The following CNNM2 variants were observed in gnomAD, a reference collection of about 807,000 sequenced individuals.
CNNM2 encodes the protein metal transporter CNNM2.
Under a neutral mutation model 66.9 loss-of-function variants are expected in CNNM2, and 12 were observed. The observed-to-expected ratio is 0.18, with a 90% CI of 0.11 to 0.29. The LOEUF (loss-of-function observed/expected upper bound fraction) is 0.29. Ranked by LOEUF, CNNM2 falls within the 10% of genes least tolerant of loss-of-function variation. The pLI is 1.00. For synonymous variants in CNNM2, 557 were observed against 501.8 expected (o/e 1.11, Z -1.47); for missense variants, 705 against 1,167.7 (o/e 0.60, Z 5.77).
rs968100031 is a variant in CNNM2, at chr10:103,088,798, C to T, written c.*11618C>T. 5 of 185,964 alleles carry T rather than the reference C, an allele frequency of 2.7e-5. No individual in the cohort carries two copies. Among genetic ancestry groups the T allele is most frequent in the Admixed American group, 6.2e-5 (1 of 16,078 alleles). The allele number at this position is 185,964 out of a possible 1,614,324, so 11.5% of individuals were successfully genotyped here. A position where few individuals can be genotyped will look rare whatever the true frequency, so the allele number is the denominator to read the frequency against. ...TCCTCTGATGTTCAATTTTAATATA[C>T]AGCAATCAACTCTTAGAGGACAAAG... On this transcript the variant is annotated 3_prime_UTR_variant, in exon 8 of 8. Transcript: ENST00000369878.
rs2065763444 is a variant in CNNM2 at position 103,082,150 on chromosome 10, G to A, written c.*4970G>A. 1 of 152,210 alleles carries A rather than the reference G, an allele frequency of 6.6e-6. No individual in the cohort carries two copies. The highest frequency in any genetic ancestry group is 2.4e-5 in the African/African-American group (1 of 41,440). 9.4% of individuals were successfully genotyped at this position (152,210 alleles called of 1,614,324 possible). Reference sequence around the variant, plus strand: ...AGACTTGAGTACACAAGGTTTTCAGGTTTTAATGCCCATTGGGACCGTGAA... The same window carrying A: ...AGACTTGAGTACACAAGGTTTTCAGATTTTAATGCCCATTGGGACCGTGAA... On this transcript the variant is annotated 3_prime_UTR_variant, in exon 8 of 8. Coordinates refer to ENST00000369878, the MANE Select transcript of CNNM2 (RefSeq NM_017649.5).
At chr10:103,062,887 A>G (rs1445737412) in intron 4 of CNNM2, among the ~76,000 whole-genome samples, 1 of 152,256 alleles carries the variant, frequency 6.6e-6, no homozygotes, top group Non-Finnish European at 1.5e-5. Context: ...TTTAATGTGC[A>G]GAGGATTCAC....
At chr10:103,036,127 G>A (rs1329066795) in intron 1 of CNNM2, among the ~76,000 whole-genome samples, 1 of 146,416 alleles carries the variant, frequency 6.8e-6, no homozygotes, top group Non-Finnish European at 1.5e-5. Flanking sequence ...AAAACCAATA[G>A]GACACACACA....
At chr10:102,951,206 GT>G (rs1029000744) in intron 1 of CNNM2, among the ~76,000 whole-genome samples, 31 of 149,508 alleles carry the variant, frequency 2.1e-4, no homozygotes, top group African/African-American at 7.1e-4. Context: ...GCCAGGCTGG[GT>G]TTTTTTTGAG....
intron 1 of CNNM2, among the ~76,000 whole-genome samples, chr10:103,034,658 C>T: frequency 6.6e-6 from 1 of 152,118 alleles, no homozygotes; most frequent in Admixed American, 6.5e-5. Context: ...GGTCTAAAAA[C>T]TAAAACCTTA....
intron 1 of CNNM2, among the ~76,000 whole-genome samples, chr10:103,018,954 C>A (rs2064512015): frequency 6.7e-6 from 1 of 148,682 alleles, no homozygotes; most frequent in African/African-American, 2.4e-5. Flanking sequence ...CTGTACCTGG[C>A]CTGTTTACTC....
chr10:103,078,006 C>CT lies in CNNM2; in HGVS notation c.*827dup, dbSNP rs1221739401. 1 of 152,700 alleles carries CT rather than the reference C, an allele frequency of 6.5e-6. No homozygotes were observed. The highest frequency in any genetic ancestry group is 1.5e-5 in the Non-Finnish European group (1 of 68,078). 9.5% of individuals were successfully genotyped at this position (152,700 alleles called of 1,614,324 possible). A position where few individuals can be genotyped will look rare whatever the true frequency, so the allele number is the denominator to read the frequency against. On this transcript the variant is annotated 3_prime_UTR_variant, in exon 8 of 8. Transcript: ENST00000369878. ...TCATCCTGTCATTCCAGCCTGGGGT[C>CT]TGCCAGCCAGCCCTCCTCCCCGACC... is the stretch of plus-strand genomic sequence containing the variant.
chr10:102,976,611 ATTTTTTTTT>A (rs66498944), intron 1 of CNNM2, among the ~76,000 whole-genome samples: 34 of 59,442 alleles, frequency 5.7e-4, no homozygotes, highest in South Asian at 2.5e-3. Context: ...CGCCCAGGTA[ATTTTTTTTT>A]TTTTTTTTTT....
chr10:102,922,110 C>A (rs1400700214), intron 1 of CNNM2, among the ~76,000 whole-genome samples: 1 of 152,066 alleles, frequency 6.6e-6, no homozygotes, highest in African/African-American at 2.4e-5. Flanking sequence ...AATAATAATG[C>A]ACAAGATTTA....
chr10:103,037,816 G>A (rs1190597866), intron 1 of CNNM2, among the ~76,000 whole-genome samples: 2 of 152,054 alleles, frequency 1.3e-5, no homozygotes, highest in Non-Finnish European at 2.9e-5. Flanking sequence ...TAGTGTGTCA[G>A]GCAGGTATCT....
At chr10:103,041,927 T>G (rs144375074) in intron 1 of CNNM2, among the ~76,000 whole-genome samples, 5 of 152,320 alleles carry the variant, frequency 3.3e-5, no homozygotes, top group African/African-American at 1.2e-4. Flanking sequence ...CTCAGTGGGT[T>G]TCTGGCTCTG....
intron 1 of CNNM2, among the ~76,000 whole-genome samples, chr10:103,001,178 G>A (rs1305961103): frequency 6.6e-6 from 1 of 152,198 alleles, no homozygotes. Flanking sequence ...GTCAGGGGCT[G>A]TGGAGAGGGG....
Position 103,012,318 on chromosome 10 carries a change from A to C in CNNM2, c.1622-37389A>C, listed in dbSNP as rs560263978. Among the ~76,000 whole-genome samples the C allele has an allele frequency of 7.2e-5, 11 of 152,154 alleles. No homozygotes were observed. In the South Asian group the frequency reaches 8.3e-4, roughly 11 times the overall value. The stretch of plus-strand genomic sequence containing the variant: ...CACCAATGTAGGAGAGATTTTATGT[A>C]ATTTCCTAGGTATCATTGATAATGT... On this transcript the variant is annotated intron_variant, in intron 1 of 7. Transcript: ENST00000369878.
At chr10:102,944,581 CGTGTGT>C (rs148795286) in intron 1 of CNNM2, among the ~76,000 whole-genome samples, 122 of 143,484 alleles carry the variant, frequency 8.5e-4, no homozygotes, top group African/African-American at 2.4e-3. Context: ...TGTATCTTTT[CGTGTGT>C]GTGTGTGTGT....
chr10:103,039,176 G>A (rs1390585418), intron 1 of CNNM2, among the ~76,000 whole-genome samples: 1 of 151,524 alleles, frequency 6.6e-6, no homozygotes, highest in African/African-American at 2.4e-5. Context: ...ATGGAGTCTC[G>A]CTCTGTCAGC....
At chr10:103,042,589 T>G (rs779566759) in intron 1 of CNNM2, among the ~76,000 whole-genome samples, 2 of 152,232 alleles carry the variant, frequency 1.3e-5, no homozygotes, top group Non-Finnish European at 2.9e-5. Context: ...GCCTGGCACA[T>G]AGTAGGCAGT....
intron 1 of CNNM2, among the ~76,000 whole-genome samples, chr10:102,960,629 GT>G (rs1488200019): frequency 6.6e-6 from 1 of 151,806 alleles, no homozygotes; most frequent in Non-Finnish European, 1.5e-5. Flanking sequence ...ACTTTACTTT[GT>G]TTTTTGAGAC....
At chr10:102,997,580 G>A (rs1192653925) in intron 1 of CNNM2, among the ~76,000 whole-genome samples, 1 of 152,020 alleles carries the variant, frequency 6.6e-6, no homozygotes, top group East Asian at 1.9e-4. Context: ...CTAAAATGTG[G>A]AAGTCACATG....
chr10:103,048,067 G>T (rs996708179), intron 1 of CNNM2, among the ~76,000 whole-genome samples: 1 of 147,590 alleles, frequency 6.8e-6, no homozygotes, highest in Non-Finnish European at 1.5e-5. Flanking sequence ...GATTACAGGC[G>T]TGCACCACCA....
Sources: gnomAD v4.1 joint callset for allele counts (sites outside exome capture counted in the v4.1 genomes callset) on GRCh38, gnomAD v4.1.1 for gene constraint, MANE v1.5 for transcripts, NCBI Gene and HGNC (gene_info 2026-07-23, HGNC 2026-07-21) for gene names.